The following EYA1 variants were observed in gnomAD, a reference collection of about 807,000 sequenced individuals.
EYA1 encodes the protein protein phosphatase EYA1.
Under a neutral mutation model 82.0 loss-of-function variants are expected in EYA1, and 16 were observed. That is an observed-to-expected ratio of 0.20 (90% CI 0.13 to 0.30). The LOEUF is 0.30. Ranked by LOEUF, EYA1 falls within the 10% of genes least tolerant of loss-of-function variation. The probability of loss-of-function intolerance (pLI) is 1.00; values close to 1 mark genes in which losing one functional copy is unlikely to be tolerated. For missense variants in EYA1, 633 were observed against 730.7 expected, an observed-to-expected ratio of 0.87 and a Z score of 1.54; for synonymous variants, 261 against 264.4, an observed-to-expected ratio of 0.99 and a Z score of 0.12.
chr8:71,328,983 C>T (rs991329357), intron 4 of EYA1, among the ~76,000 whole-genome samples: 4 of 152,082 alleles, frequency 2.6e-5, no homozygotes, highest in African/African-American at 7.2e-5. Context: ...CCATGAAGAC[C>T]ATCAGGACTG....
intron 1 of EYA1, among the ~76,000 whole-genome samples, chr8:71,356,970 C>T (rs117459138): frequency 2.6e-5 from 4 of 152,308 alleles, no homozygotes; most frequent in East Asian, 1.9e-4. Flanking sequence ...ATAGAGCTCC[C>T]GCCCACCCCT....
At chr8:71,249,939 T>A (rs778937132) in intron 11 of EYA1, among the ~76,000 whole-genome samples, 26 of 152,160 alleles carry the variant, frequency 1.7e-4, no homozygotes, top group Non-Finnish European at 2.2e-4. Context: ...CCTAGCCACC[T>A]CTTTTTAGCC....
In EYA1 at chr8:71,249,172, C is replaced by T. The variant is rs568271116; in HGVS notation, c.1051-4480G>A. Among the ~76,000 whole-genome samples the T allele has an allele frequency of 2.2e-4, 33 of 152,222 alleles. 1 individual carries two copies. In the South Asian group the frequency reaches 5.6e-3, roughly 26 times the overall value. On this transcript the variant is annotated intron_variant, in intron 11 of 17. Transcript: ENST00000340726. ...CTGTGGCATATGCCACTGCTGTTTA[C>T]TCTCTTCTTGACATTTCTCCTCTAT...
At chr8:71,518,835 A>G (rs1318170223) in intron 2 of EYA1, among the ~76,000 whole-genome samples, 1 of 152,212 alleles carries the variant, frequency 6.6e-6, no homozygotes, top group Non-Finnish European at 1.5e-5. Flanking sequence ...ACATTACTTT[A>G]TAATTTTATA....
At chr8:71,402,187 T>A (rs1273236471) in intron 2 of EYA1, among the ~76,000 whole-genome samples, 1 of 152,190 alleles carries the variant, frequency 6.6e-6, no homozygotes, top group Non-Finnish European at 1.5e-5. Context: ...CTTTCTGTGC[T>A]CCTGCAAGGA....
intron 2 of EYA1, among the ~76,000 whole-genome samples, chr8:71,463,028 A>T (rs1808485125): frequency 6.6e-6 from 1 of 152,226 alleles, no homozygotes; most frequent in Admixed American, 6.5e-5. Flanking sequence ...TTGAATCCAA[A>T]ATACCCCAAA....
rs1485376694 is a variant in EYA1 at position 71,334,934 on chromosome 8, CCT to C, written c.125-762_125-761del. On this transcript the variant is annotated intron_variant, in intron 3 of 17. Coordinates refer to ENST00000340726, the MANE Select transcript of EYA1 (RefSeq NM_000503.6). ...CAGATTCTCTAAAGCAATCCACTCC[CCT>C]GATATGGTGACAGTGTTATTGTTCC... 3.3e-5 allele frequency among the ~76,000 whole-genome samples: 5 copies of C among 152,310 alleles called. No individual in the cohort carries two copies. The East Asian group carries it at 7.7e-4, about 23-fold the overall frequency.
At chr8:71,466,102 A>C (rs747615184) in intron 2 of EYA1, among the ~76,000 whole-genome samples, 4 of 152,328 alleles carry the variant, frequency 2.6e-5, no homozygotes, top group African/African-American at 4.8e-5. Flanking sequence ...GTTTGAGAAT[A>C]GAGCTGCAAT....
intron 2 of EYA1, among the ~76,000 whole-genome samples, chr8:71,406,617 G>A (rs898064550): frequency 1.1e-3 from 165 of 152,302 alleles, no homozygotes; most frequent in African/African-American, 3.8e-3. Context: ...GGTGACGGAT[G>A]CACCTGGAAA....
At position 71,369,343 on chromosome 8, in the gene EYA1, A is replaced by G. The variant is rs191741158; in HGVS notation, c.34-12832T>C. On this transcript the variant is annotated intron_variant, in intron 2 of 18. Transcript: ENST00000643681. ...TTCTTTTCCTTAAGTGTGTAGAATT[A>G]TTAACATCTCTCTATAGGCAAGGGT... is the stretch of plus-strand genomic sequence containing the variant. Among the ~76,000 whole-genome samples, 22 of 152,144 alleles carry G rather than the reference A, an allele frequency of 1.4e-4. No individual in the cohort carries two copies. The South Asian group carries it at 3.1e-3, about 21-fold the overall frequency.
intron 2 of EYA1, among the ~76,000 whole-genome samples, chr8:71,412,388 A>G (rs1295316830): frequency 2.4e-5 from 3 of 123,748 alleles, no homozygotes; most frequent in African/African-American, 5.4e-5. Context: ...ATAAAAAAAT[A>G]TAAAATAAAA....
At chr8:71,448,025 T>TTTTTTTTTTTTTTTTTTTGGTAACGGAG (rs935912194) in intron 2 of EYA1, among the ~76,000 whole-genome samples, 3 of 116,736 alleles carry the variant, frequency 2.6e-5, no homozygotes, top group African/African-American at 3.4e-5. Context: ...TTTTTTTTTT[T>TTTTTTTTTTTTTTTTTTTGGTAACGGAG]TCTCGCTCCG....
chr8:71,294,421 C>A (rs1477387393), intron 9 of EYA1, among the ~76,000 whole-genome samples: 2 of 151,970 alleles, frequency 1.3e-5, no homozygotes, highest in Non-Finnish European at 2.9e-5. Flanking sequence ...GATAGCGCCA[C>A]GCCCTCCAGC....
chr8:71,321,647 A>G, intron 6 of EYA1, 87 bp downstream of exon 6: 2 of 1,512,612 alleles, frequency 1.3e-6, no homozygotes, highest in Non-Finnish European at 1.8e-6. Context: ...AAATTGGCCA[A>G]AGATTGGGTC....
At chr8:71,387,908 A>T (rs1829055134) in intron 2 of EYA1, among the ~76,000 whole-genome samples, 1 of 152,164 alleles carries the variant, frequency 6.6e-6, no homozygotes, top group African/African-American at 2.4e-5. Context: ...GGGGCTGAAC[A>T]CAAAAACCCA....
chr8:71,389,941 C>G (rs1829180725), intron 2 of EYA1, among the ~76,000 whole-genome samples: 1 of 152,148 alleles, frequency 6.6e-6, no homozygotes, highest in African/African-American at 2.4e-5. Flanking sequence ...TGATGCTTAA[C>G]TGTTTGTACC....
intron 2 of EYA1, among the ~76,000 whole-genome samples, chr8:71,492,277 G>A (rs1211050554): frequency 6.6e-6 from 1 of 152,082 alleles, no homozygotes; most frequent in Non-Finnish European, 1.5e-5. Flanking sequence ...GAGGAAACAC[G>A]GGAGCCACCT....
At chr8:71,229,179 C>G (rs1810912495) in intron 12 of EYA1, among the ~76,000 whole-genome samples, 1 of 152,084 alleles carries the variant, frequency 6.6e-6, no homozygotes. Flanking sequence ...CTGCACCAGA[C>G]AATAGCTGTG....
At chr8:71,498,431 A>C (rs1811578963) in intron 2 of EYA1, among the ~76,000 whole-genome samples, 1 of 152,226 alleles carries the variant, frequency 6.6e-6, no homozygotes, top group African/African-American at 2.4e-5. Flanking sequence ...ATAGAGTAGA[A>C]TTATGTTCAG....
Sources: allele counts gnomAD v4.1 joint callset (sites outside exome capture counted in the v4.1 genomes callset), GRCh38; gene constraint gnomAD v4.1.1; transcripts MANE v1.5; gene names NCBI Gene and HGNC (gene_info 2026-07-23, HGNC 2026-07-21).